CFAP96: variants seen among roughly 807,000 people sequenced by gnomAD.
CFAP96 encodes cilia-and flagella-associated protein 96.
the CFAP96 span, among the ~76,000 whole-genome samples, chr4:185,441,976 A>G: frequency 6.6e-6 from 1 of 152,116 alleles, no homozygotes; most frequent in African/African-American, 2.4e-5. Flanking sequence ...AATATGACTG[A>G]TGGAATAATT....
At chr4:185,446,632 G>A in the CFAP96 span, among the ~76,000 whole-genome samples, 1 of 152,092 alleles carries the variant, frequency 6.6e-6, no homozygotes, top group Non-Finnish European at 1.5e-5. Context: ...TTTATGTTGA[G>A]AGTTTGCAAG....
the CFAP96 span, among the ~76,000 whole-genome samples, chr4:185,437,212 A>T: frequency 6.6e-6 from 1 of 152,154 alleles, no homozygotes; most frequent in East Asian, 1.9e-4. Flanking sequence ...CACTTTATTA[A>T]ATGGCAGAGA....
At chr4:185,435,837 CT>C in the CFAP96 span, among the ~76,000 whole-genome samples, 1 of 150,778 alleles carries the variant, frequency 6.6e-6, no homozygotes, top group African/African-American at 2.4e-5. Context: ...TTATGCAGTT[CT>C]ATTTTTTGTA....
At chr4:185,440,145 C>A in the CFAP96 span, among the ~76,000 whole-genome samples, 1 of 151,820 alleles carries the variant, frequency 6.6e-6, no homozygotes, top group Non-Finnish European at 1.5e-5. Context: ...ATAATAATGT[C>A]CTCATTTACA....
the CFAP96 span, chr4:185,429,652 T>C: frequency 1.7e-6 from 1 of 580,898 alleles, no homozygotes; most frequent in South Asian, 2.2e-5. Flanking sequence ...CGTGTAAAAT[T>C]TCAATGAAGT....
chr4:185,432,171 C>T, the CFAP96 span: 3 of 1,551,762 alleles, frequency 1.9e-6, no homozygotes, highest in Non-Finnish European at 2.6e-6. Flanking sequence ...CTAGGCAAAG[C>T]ATTCCTCCCT....
the CFAP96 span, chr4:185,436,121 A>G: frequency 6.4e-7 from 1 of 1,551,510 alleles, no homozygotes; most frequent in South Asian, 1.2e-5. Context: ...AACCTCGAGA[A>G]AAATACAAGG....
At chr4:185,431,211 A>G in the CFAP96 span, among the ~76,000 whole-genome samples, 21 of 6,002 alleles carry the variant, frequency 3.5e-3, no homozygotes, top group Middle Eastern at 0.071. Context: ...CTCCGTCTCA[A>G]AAAAAAAAAA....
chr4:185,414,023 G>T, the CFAP96 span: 1 of 629,682 alleles, frequency 1.6e-6, no homozygotes. Context: ...CATCAAAGAT[G>T]GTGAAAACTG....
chr4:185,447,233 A>T, the CFAP96 span, among the ~76,000 whole-genome samples: 1 of 150,654 alleles, frequency 6.6e-6, no homozygotes, highest in Non-Finnish European at 1.5e-5. Flanking sequence ...CCAGGCTGGA[A>T]TGCAGTGGCA....
chr4:185,431,198 A>G, the CFAP96 span, among the ~76,000 whole-genome samples: 2 of 126,676 alleles, frequency 1.6e-5, no homozygotes, highest in African/African-American at 5.9e-5. Context: ...CAACAGAGTG[A>G]GACTCCGTCT....
the CFAP96 span, among the ~76,000 whole-genome samples, chr4:185,412,279 G>A: frequency 3.3e-5 from 5 of 152,240 alleles, no homozygotes; most frequent in Middle Eastern, 3.4e-3. Flanking sequence ...GTGTGTCCAG[G>A]TTCTTCTAAG....
chr4:185,432,035 A>G, the CFAP96 span: 4 of 1,551,718 alleles, frequency 2.6e-6, no homozygotes, highest in Middle Eastern at 3.3e-4. Context: ...TGGAGGGTCC[A>G]AAGAAATGTC....
the CFAP96 span, chr4:185,415,257 C>T: frequency 1.2e-6 from 2 of 1,602,314 alleles, no homozygotes; most frequent in Non-Finnish European, 1.7e-6. Context: ...GTTCAGGGAC[C>T]ACAATAGATG....
the CFAP96 span, among the ~76,000 whole-genome samples, chr4:185,432,743 G>A: frequency 6.6e-6 from 1 of 152,098 alleles, no homozygotes; most frequent in South Asian, 2.1e-4. Flanking sequence ...TGTGCCTGTA[G>A]TCCCAGCTAC....
At chr4:185,447,468 C>CTG in the CFAP96 span, among the ~76,000 whole-genome samples, 1 of 152,228 alleles carries the variant, frequency 6.6e-6, no homozygotes, top group Non-Finnish European at 1.5e-5. Context: ...GCTTGATCCA[C>CTG]CACGCCCGGC....
At chr4:185,416,416 A>G in the CFAP96 span, among the ~76,000 whole-genome samples, 1 of 152,328 alleles carries the variant, frequency 6.6e-6, no homozygotes, top group Non-Finnish European at 1.5e-5. Flanking sequence ...ATAATCAAAT[A>G]CTGAACTCTA....
chr4:185,423,102 G>A, the CFAP96 span, among the ~76,000 whole-genome samples: 4 of 152,146 alleles, frequency 2.6e-5, no homozygotes, highest in Non-Finnish European at 5.9e-5. Context: ...CAAGTGATCC[G>A]CCTGTCTCGG....
At chr4:185,429,856 G>T in the CFAP96 span, among the ~76,000 whole-genome samples, 5 of 151,508 alleles carry the variant, frequency 3.3e-5, no homozygotes, top group East Asian at 7.7e-4. Context: ...GGAGTAGGGC[G>T]GGGGAGCTCT....
Sources: allele counts gnomAD v4.1 joint callset (sites outside exome capture counted in the v4.1 genomes callset), GRCh38; gene constraint gnomAD v4.1.1; transcripts MANE v1.5; gene names NCBI Gene and HGNC (gene_info 2026-07-23, HGNC 2026-07-21).